Variants in MROH1 observed in about 807,000 individuals in gnomAD.
MROH1 encodes the protein maestro heat like repeat family member 1.
A neutral mutation model predicts 116.5 loss-of-function variants in MROH1; 117 were observed. The ratio of observed to expected loss-of-function variants is 1.00; its 90% CI spans 0.86 to 1.17. The LOEUF (loss-of-function observed/expected upper bound fraction) is 1.17, where lower values mean the gene tolerates loss of function less well. MROH1 is among the 50% of genes most tolerant of loss of function. The probability of loss-of-function intolerance (pLI) is 0.00; values close to 1 mark genes in which losing one functional copy is unlikely to be tolerated. For missense variants in MROH1, 1,873 were observed against 1,338.5 expected (o/e 1.40, Z -6.23); for synonymous variants, 921 against 583.9 (o/e 1.58, Z -8.32).
At chr8:144,188,156 A>G (rs1050544587) in intron 7 of MROH1, among the ~76,000 whole-genome samples, 2 of 152,258 alleles carry the variant, frequency 1.3e-5, no homozygotes, top group Non-Finnish European at 2.9e-5. Flanking sequence ...GAAAATATTA[A>G]CAAGTTTGAC....
In MROH1 at chr8:144,247,587, G is replaced by C; in HGVS notation, c.3028G>C (p.Asp1010His). The change falls in exon 31 of 44, where the codon GAT (aspartate) becomes CAT (histidine). Residue 1010 changes from aspartate (D) to histidine (H), a missense_variant. Asp to His is a moderately conservative substitution (Grantham distance 81). Transcript: ENST00000326134. ...CTCAGGCTTCTCCCGGGACTACCGC[G>C]ATGACGTGGCGGAGCGGCTCCTCAG... ...GYEGFSRDYRDDVAERLLSLK... is the reference protein window; with the variant it reads ...GYEGFSRDYRHDVAERLLSLK... 1 of 774,310 alleles carries C rather than the reference G, an allele frequency of 1.3e-6. No homozygotes were observed. Among genetic ancestry groups the C allele is most frequent in the Admixed American group, 1.7e-5 (1 of 58,894 alleles). 48.0% of individuals were successfully genotyped at this position (774,310 alleles called of 1,614,324 possible).
chr8:144,211,308 T>C (rs1462805765), intron 12 of MROH1, among the ~76,000 whole-genome samples: 1 of 152,222 alleles, frequency 6.6e-6, no homozygotes, highest in East Asian at 1.9e-4. Flanking sequence ...ATCCATTAAT[T>C]AATTAATTGG....
At chr8:144,162,010 C>T (rs1339457575) in intron 2 of MROH1, among the ~76,000 whole-genome samples, 2 of 152,166 alleles carry the variant, frequency 1.3e-5, no homozygotes, top group Non-Finnish European at 2.9e-5. Flanking sequence ...TGCCTGGGAG[C>T]CACTGCCCTC....
intron 12 of MROH1, among the ~76,000 whole-genome samples, chr8:144,207,926 GGT>G (rs1240516578): frequency 1.3e-5 from 2 of 151,332 alleles, no homozygotes; most frequent in African/African-American, 4.9e-5. Context: ...TAGGGGGCAA[GGT>G]GTGTTTTTTT....
At chr8:144,231,097 A>G (rs868921858) in intron 14 of MROH1, among the ~76,000 whole-genome samples, 22 of 145,546 alleles carry the variant, frequency 1.5e-4, no homozygotes, top group African/African-American at 2.1e-4. Context: ...TGGACACAGC[A>G]CATGTTTCAG....
intron 18 of MROH1, 105 bp downstream of exon 18, chr8:144,239,860 G>A: frequency 4.3e-6 from 3 of 689,754 alleles, no homozygotes; most frequent in Non-Finnish European, 8.1e-6. Context: ...GCACTAGGGT[G>A]GCCAATGGGG....
At chr8:144,175,692 G>C (rs1823712504) in intron 4 of MROH1, 1 of 488,488 alleles carries the variant, frequency 2.0e-6, no homozygotes, top group South Asian at 8.8e-5. Flanking sequence ...GGGAGCCTGA[G>C]ACAAGAGGAT....
chr8:144,231,530 G>A (rs376354451), intron 14 of MROH1, among the ~76,000 whole-genome samples: 3 of 152,296 alleles, frequency 2.0e-5, no homozygotes, highest in Non-Finnish European at 4.4e-5. Context: ...CCCTAGCAGA[G>A]GGCGAGAGGT....
rs1317839063 is a variant in MROH1 at position 144,190,807 on chromosome 8, G to A, written c.586G>A (p.Ala196Thr). 1.2e-6 allele frequency: 2 copies of A among 1,613,596 alleles called. No individual in the cohort carries two copies. Among genetic ancestry groups the A allele is most frequent in the Non-Finnish European group, 1.7e-6 (2 of 1,179,840 alleles). ...AGCTCTGCAGCGCTTCAGCGAGGGT[G>A]CCCTGGAGTACCTAGCCAACCTGGA... ...CSALQRFSEG[A>T]LEYLANLDRA... The change falls in exon 8 of 44, where the codon GCC becomes ACC. Residue 196 changes from alanine to threonine, a missense_variant. By Grantham distance (58) the Ala-to-Thr change is moderately conservative. Coordinates refer to ENST00000326134, the MANE Select transcript of MROH1 (RefSeq NM_032450.3).
At chr8:144,167,054 G>A (rs1164382099) in intron 3 of MROH1, among the ~76,000 whole-genome samples, 1 of 152,248 alleles carries the variant, frequency 6.6e-6, no homozygotes, top group Non-Finnish European at 1.5e-5. Flanking sequence ...ACTGATGCCT[G>A]TGTGTTCCTC....
intron 2 of MROH1, among the ~76,000 whole-genome samples, chr8:144,161,692 G>GTCCAAT (rs1391804159): frequency 1.3e-5 from 2 of 152,264 alleles, no homozygotes; most frequent in Admixed American, 6.5e-5. Context: ...GCAAGTCCAA[G>GTCCAAT]TCCATGTGCC....
At chr8:144,170,617 A>G (rs1233080564) in intron 4 of MROH1, among the ~76,000 whole-genome samples, 1 of 152,242 alleles carries the variant, frequency 6.6e-6, no homozygotes, top group Non-Finnish European at 1.5e-5. Flanking sequence ...ACAATAGGGA[A>G]AAGCAATGCC....
At chr8:144,215,872 C>CA (rs35093804) in intron 12 of MROH1, among the ~76,000 whole-genome samples, 1,909 of 124,904 alleles carry the variant, frequency 0.015, 48 homozygotes, top group African/African-American at 0.052. Context: ...GACTCTGTCG[C>CA]AAAAAAAAAA....
intron 12 of MROH1, among the ~76,000 whole-genome samples, chr8:144,218,671 G>A (rs112968870): frequency 1.3e-4 from 2 of 14,872 alleles, no homozygotes; most frequent in African/African-American, 2.5e-4. Context: ...CTCCCCTCCC[G>A]TCCCCTCTCC....
At chr8:144,237,445 T>A (rs1010167117) in intron 14 of MROH1, among the ~76,000 whole-genome samples, 1 of 152,244 alleles carries the variant, frequency 6.6e-6, no homozygotes, top group Non-Finnish European at 1.5e-5. Context: ...TGCGGACCCT[T>A]CCATGAGCTA....
At chr8:144,244,794 C>T (rs1011566301) in intron 28 of MROH1, among the ~76,000 whole-genome samples, 9 of 152,192 alleles carry the variant, frequency 5.9e-5, no homozygotes, top group Admixed American at 1.3e-4. Flanking sequence ...GAGGGGCCCA[C>T]GGGTACCCAT....
chr8:144,240,742 T>A (rs1047226395), intron 20 of MROH1, 65 bp downstream of exon 20: 2 of 704,396 alleles, frequency 2.8e-6, no homozygotes, highest in Non-Finnish European at 2.6e-6. Flanking sequence ...CTCGTGTCTG[T>A]CACTTGCTGT....
At chr8:144,224,089 G>A (rs1393642638) in intron 14 of MROH1, among the ~76,000 whole-genome samples, 4 of 152,150 alleles carry the variant, frequency 2.6e-5, no homozygotes, top group South Asian at 2.1e-4. Context: ...GCAGCTCCAC[G>A]GGTCGTTAGG....
At chr8:144,178,629 TCTGGGCCGCC>T (rs1236474247) in intron 4 of MROH1, among the ~76,000 whole-genome samples, 2 of 152,196 alleles carry the variant, frequency 1.3e-5, no homozygotes, top group African/African-American at 4.8e-5. Flanking sequence ...CCTGTGGGCC[TCTGGGCCGCC>T]CTGTGCCGGC....
Sources: allele counts gnomAD v4.1 joint callset (sites outside exome capture counted in the v4.1 genomes callset), GRCh38; gene constraint gnomAD v4.1.1; transcripts MANE v1.5; gene names NCBI Gene and HGNC (gene_info 2026-07-23, HGNC 2026-07-21).